The following SRPK2 variants were observed in gnomAD, a reference collection of about 807,000 sequenced individuals.
The protein encoded by SRPK2 is SFRS protein kinase 2.
Under a neutral mutation model 90.8 loss-of-function variants are expected in SRPK2, and 21 were observed. That is an observed-to-expected ratio of 0.23 (90% CI 0.16 to 0.33). SRPK2 has a LOEUF of 0.33. Among genes scored for constraint, SRPK2 ranks in the 10% least tolerant of loss-of-function variants. The pLI, the probability that SRPK2 is intolerant of heterozygous loss-of-function variation, is 1.00. For missense variants in SRPK2, 620 were observed against 869.0 expected (o/e 0.71, Z 3.60); for synonymous variants, 288 against 311.1 (o/e 0.93, Z 0.78).
At chr7:105,348,778 A>G (rs977115920) in intron 2 of SRPK2, among the ~76,000 whole-genome samples, 1 of 148,940 alleles carries the variant, frequency 6.7e-6, no homozygotes, top group Non-Finnish European at 1.5e-5. Flanking sequence ...GATACACTTT[A>G]AAAAAAAAAA....
At chr7:105,179,216 T>C (rs933339115) in intron 3 of SRPK2, among the ~76,000 whole-genome samples, 2 of 152,176 alleles carry the variant, frequency 1.3e-5, no homozygotes, top group Non-Finnish European at 2.9e-5. Context: ...GGGATGTCGA[T>C]TTGAATATCA....
chr7:105,213,532 C>T (rs1412410657), intron 2 of SRPK2, among the ~76,000 whole-genome samples: 1 of 56,434 alleles, frequency 1.8e-5, no homozygotes, highest in Non-Finnish European at 6.6e-5. Context: ...AAGCCACCAA[C>T]ATTATAATCT....
chr7:105,202,337 T>A (rs1276183456), intron 3 of SRPK2, among the ~76,000 whole-genome samples: 1 of 152,204 alleles, frequency 6.6e-6, no homozygotes, highest in Non-Finnish European at 1.5e-5. Flanking sequence ...ATGCTTTATG[T>A]TCTGAACATG....
chr7:105,330,292 G>A (rs898249356), intron 2 of SRPK2, among the ~76,000 whole-genome samples: 11 of 151,306 alleles, frequency 7.3e-5, no homozygotes, highest in South Asian at 2.1e-4. Flanking sequence ...AGCCGAGATC[G>A]CGCCACTGCA....
chr7:105,387,235 A>C (rs1206521013), intron 2 of SRPK2, among the ~76,000 whole-genome samples: 1 of 152,246 alleles, frequency 6.6e-6, no homozygotes, highest in Non-Finnish European at 1.5e-5. Context: ...CAATGCTTTG[A>C]ATTAAGAGCT....
In SRPK2 at chr7:105,117,604, T is replaced by C. The variant is rs1299888396; in HGVS notation, c.*234A>G. ...AGAAACAATGCTTAGAGACATGTTA[T>C]TGTTTCCAGAAGAAAATGGTCAGTA... On this transcript the variant is annotated 3_prime_UTR_variant, in exon 16 of 16. Transcript: ENST00000393651. 8 of 540,980 alleles carry C rather than the reference T, an allele frequency of 1.5e-5. No homozygotes were observed. Among genetic ancestry groups the C allele is most frequent in the Non-Finnish European group, 2.6e-5 (8 of 308,062 alleles). The allele number at this position is 540,980 out of a possible 1,614,324, so 33.5% of individuals were successfully genotyped here.
At chr7:105,264,277 T>C (rs1007255342) in intron 2 of SRPK2, among the ~76,000 whole-genome samples, 8 of 152,310 alleles carry the variant, frequency 5.3e-5, no homozygotes, top group African/African-American at 1.9e-4. Flanking sequence ...CTTTTTGCTC[T>C]CCGCATCCAC....
At chr7:105,341,522 A>C (rs1039145081) in intron 2 of SRPK2, among the ~76,000 whole-genome samples, 1 of 151,972 alleles carries the variant, frequency 6.6e-6, no homozygotes, top group African/African-American at 2.4e-5. Context: ...AAAATACAAA[A>C]ATTAGTCAGG....
chr7:105,195,765 C>T (rs1331188638), intron 3 of SRPK2, among the ~76,000 whole-genome samples: 1 of 152,108 alleles, frequency 6.6e-6, no homozygotes, highest in Non-Finnish European at 1.5e-5. Context: ...CATATCTTCC[C>T]TTTTCTCACT....
intron 3 of SRPK2, among the ~76,000 whole-genome samples, chr7:105,180,734 G>A (rs912234218): frequency 5.9e-5 from 9 of 152,164 alleles, no homozygotes; most frequent in Non-Finnish European, 1.3e-4. Context: ...CTCCAGCCTG[G>A]GTGACACAGC....
At chr7:105,232,458 T>TAAAAAAAAAAAAAAAAAA (rs10533429) in intron 2 of SRPK2, among the ~76,000 whole-genome samples, 3 of 132,064 alleles carry the variant, frequency 2.3e-5, no homozygotes, top group African/African-American at 8.5e-5. Flanking sequence ...AAACCTTATC[T>TAAAAAAAAAAAAAAAAAA]AAAAAAAAAA....
intron 1 of SRPK2, among the ~76,000 whole-genome samples, chr7:105,396,486 C>T (rs1178195864): frequency 6.6e-6 from 1 of 151,758 alleles, no homozygotes; most frequent in African/African-American, 2.4e-5. Flanking sequence ...AAATACAAAG[C>T]TGGGCGTGGT....
chr7:105,123,945 T>C (rs1206543229), intron 15 of SRPK2, among the ~76,000 whole-genome samples: 4 of 152,196 alleles, frequency 2.6e-5, no homozygotes, highest in Admixed American at 6.5e-5. Context: ...CCAAATGCAT[T>C]TTAACTCTGC....
intron 11 of SRPK2, among the ~76,000 whole-genome samples, chr7:105,140,764 C>G (rs959101854): frequency 6.6e-6 from 1 of 151,610 alleles, no homozygotes; most frequent in African/African-American, 2.4e-5. Flanking sequence ...AATTTGAGAC[C>G]AGCCTGACCA....
chr7:105,127,188 G>A (rs965614080), intron 13 of SRPK2, 126 bp from the exon 14 acceptor site: 2 of 756,880 alleles, frequency 2.6e-6, no homozygotes, highest in Non-Finnish European at 4.3e-6. Flanking sequence ...CCTCCTGAAA[G>A]TGCTCAATAC....
At chr7:105,389,410 A>C, upstream of SRPK2, 1 of 1,232,940 alleles carries the variant, frequency 8.1e-7, no homozygotes, top group Non-Finnish European at 1.0e-6. Context: ...TGGAAAGGGC[A>C]CACGACCAAA....
rs1413546628 is a variant in SRPK2 at position 105,117,923 on chromosome 7, T to C, written c.2015A>G (p.Asp672Gly). The C allele has an allele frequency of 6.2e-7, 1 of 1,614,026 alleles. No homozygotes were observed. Among genetic ancestry groups the C allele is most frequent in the East Asian group, 2.2e-5 (1 of 44,890 alleles). ...CATTTCTAACATCGGGATCAGGAAA[T>C]CTGTAAACTGTGCAGCATCTTCATG... ...WPHEDAAQFT[D>G]FLIPMLEMVP... is the part of the protein sequence containing the mutation. Residue 672 changes from aspartate to glycine, a missense_variant, in exon 16 of 16, where the codon GAT (aspartate) becomes GGT (glycine). This residue lies in a region of SRPK2 where 71 missense variants were observed against 123.1 expected (regional missense o/e 0.58). Transcript: ENST00000393651.
chr7:105,258,472 CA>C (rs1425660240), intron 2 of SRPK2, among the ~76,000 whole-genome samples: 1 of 146,142 alleles, frequency 6.8e-6, no homozygotes, highest in Non-Finnish European at 1.5e-5. Context: ...GCAAATGTGA[CA>C]AAAAAACACC....
At chr7:105,246,233 G>A (rs6961027) in intron 2 of SRPK2, among the ~76,000 whole-genome samples, 8 of 151,956 alleles carry the variant, frequency 5.3e-5, no homozygotes, top group African/African-American at 1.5e-4. Flanking sequence ...TTCTGTCACC[G>A]ACCCCAGAGC....
Sources: gnomAD v4.1 joint callset for allele counts (sites outside exome capture counted in the v4.1 genomes callset) on GRCh38, gnomAD v4.1.1 for gene constraint, gnomAD v4.1.1 regional missense constraint, MANE v1.5 for transcripts, NCBI Gene and HGNC (gene_info 2026-07-23, HGNC 2026-07-21) for gene names.